ZNF596: variants seen among roughly 807,000 people sequenced by gnomAD.
The protein encoded by ZNF596 is zinc finger protein 596.
In ZNF596, 45 loss-of-function variants were observed where a neutral mutation model predicts 48.3. That is an observed-to-expected ratio of 0.93 (90% CI 0.73 to 1.19). The LOEUF (loss-of-function observed/expected upper bound fraction) is 1.19. ZNF596 is among the 50% of genes most tolerant of loss of function. The pLI is 0.00. For missense variants in ZNF596, 848 were observed against 599.7 expected (o/e 1.41, Z -4.32); for synonymous variants, 270 against 202.0 (o/e 1.34, Z -2.85).
chr8:238,630 A>C (rs76115231), intron 1 of ZNF596, among the ~76,000 whole-genome samples: 2 of 103,024 alleles, frequency 1.9e-5, no homozygotes, highest in African/African-American at 1.1e-4. Context: ...GTGAAATACA[A>C]AAAAAAAAAA....
At chr8:233,165 A>G (rs1250358397) in intron 1 of ZNF596, 32 of 466,178 alleles carry the variant, frequency 6.9e-5, no homozygotes, top group Non-Finnish European at 1.3e-4. Context: ...ACAAACACCG[A>G]CAATGAAGGA....
Position 245,846 on chromosome 8 carries a change from A to T in ZNF596, c.999A>T (p.Lys333Asn). The change falls in exon 6 of 6, where the codon AAA becomes AAT. Residue 333 changes from lysine (K) to asparagine (N), a missense_variant. By Grantham distance (94) the Lys-to-Asn change is moderately conservative (BLOSUM62 0). Coordinates refer to ENST00000398612, the MANE Select transcript of ZNF596 (RefSeq NM_001042416.3). ...ATGAAAGAACTCACAATGGAGAGAA[A>T]CCATATGAATGTCATCTATGTGGAA... ...RQHERTHNGE[K>N]PYECHLCGKA... The T allele has an allele frequency of 6.2e-7, 1 of 1,614,068 alleles. No homozygotes were observed. Among genetic ancestry groups the T allele is most frequent in the East Asian group, 2.2e-5 (1 of 44,872 alleles).
In ZNF596 at chr8:245,213, A is replaced by G. The variant is rs1476863858; in HGVS notation, c.366A>G (p.Gln122=). ...ATGACTTAGGAGAAGATTTCACTCA[A>G]CATATAGCATTGACTCAAAATGTGA... is the stretch of plus-strand genomic sequence containing the variant. ...LCNDLGEDFT[Q]HIALTQNVIT... Residue 122 remains glutamine (Q), a synonymous_variant, in exon 6 of 6, where the codon CAA becomes CAG. Transcript: ENST00000398612. 6.8e-6 allele frequency: 11 copies of G among 1,613,390 alleles called. No individual in the cohort carries two copies. The highest frequency in any genetic ancestry group is 1.7e-5 in the Admixed American group (1 of 59,970).
At position 238,810 on chromosome 8, in the gene ZNF596, A is replaced by AAAAAAG. The variant is rs1233330218; in HGVS notation, c.-72-2004_-72-1999dup. Among the ~76,000 whole-genome samples, 4 of 152,118 alleles carry AAAAAAG rather than the reference A, an allele frequency of 2.6e-5. No individual in the cohort carries two copies. The East Asian group carries it at 7.7e-4, about 29-fold the overall frequency. On this transcript the variant is annotated intron_variant, in intron 1 of 5. Transcript: ENST00000398612. The stretch of plus-strand genomic sequence containing the variant: ...CAACGCGAGTGAAACTCCGCTTTAA[A>AAAAAAG]AAAAAGAAAAAGAAATGGAGGTTTC...
chr8:235,484 T>C (rs188217082), intron 1 of ZNF596, among the ~76,000 whole-genome samples: 3 of 152,350 alleles, frequency 2.0e-5, no homozygotes, highest in African/African-American at 7.2e-5. Context: ...GTATGTTTTT[T>C]TTTTTTAGAT....
chr8:243,667 T>C (rs1796942032), intron 3 of ZNF596, 55 bp from the exon 4 acceptor site: 2 of 1,576,144 alleles, frequency 1.3e-6, no homozygotes, highest in East Asian at 2.2e-5. Context: ...TCTGATAACC[T>C]TGTACATTTG....
At chr8:243,594 A>C (rs1350237252) in intron 3 of ZNF596, 128 bp from the exon 4 acceptor site, 3 of 771,036 alleles carry the variant, frequency 3.9e-6, no homozygotes, top group Non-Finnish European at 6.4e-6. Context: ...TGTTGTCTTC[A>C]AGGTACTCTT....
chr8:233,008 C>T, intron 1 of ZNF596: 1 of 468,552 alleles, frequency 2.1e-6, no homozygotes, highest in South Asian at 1.5e-5. Context: ...GCGGGCTCTT[C>T]CTTGGCAGGG....
chr8:245,059 T>C lies in ZNF596; in HGVS notation c.307-95T>C. 3 of 1,407,020 alleles carry C rather than the reference T, an allele frequency of 2.1e-6. No individual in the cohort carries two copies. The South Asian group carries it at 4.3e-5, about 20-fold the overall frequency. 87.2% of individuals were successfully genotyped at this position (1,407,020 alleles called of 1,614,324 possible). A position where few individuals can be genotyped will look rare whatever the true frequency, so the allele number is the denominator to read the frequency against. ...ATTGTAACTGGAGTCTACCACTGAATGATTATTCTAGAATTAATATGTAGA... is the reference window on the plus strand; with the variant it reads ...ATTGTAACTGGAGTCTACCACTGAACGATTATTCTAGAATTAATATGTAGA... On this transcript the variant is annotated intron_variant, in intron 5 of 5. Coordinates refer to ENST00000398612, the MANE Select transcript of ZNF596 (RefSeq NM_001042416.3).
intron 2 of ZNF596, among the ~76,000 whole-genome samples, chr8:241,245 G>T (rs186847176): frequency 8.7e-4 from 133 of 152,240 alleles, no homozygotes; most frequent in Non-Finnish European, 1.6e-3. Flanking sequence ...GTTATTGGCA[G>T]GAGTGGGCTT....
chr8:243,633 T>A, intron 3 of ZNF596, 89 bp from the exon 4 acceptor site: 1 of 1,308,318 alleles, frequency 7.6e-7, no homozygotes, highest in Non-Finnish European at 1.1e-6. Flanking sequence ...GGCTAACTTA[T>A]CCTTCCCAGT....
Position 245,433 on chromosome 8 carries a change from G to C in ZNF596, c.586G>C (p.Glu196Gln). The change falls in exon 6 of 6, where the codon GAA becomes CAA. Residue 196 changes from glutamate (E) to glutamine (Q), a missense_variant. Coordinates refer to ENST00000398612, the MANE Select transcript of ZNF596 (RefSeq NM_001042416.3). Reference protein sequence around the residue: ...SVTHTREITLECRVCGKTFSK... With the variant: ...SVTHTREITLQCRVCGKTFSK... ...GACTCACACTAGAGAGATAACATTG[G>C]AATGTCGTGTGTGTGGGAAAACCTT... The C allele has an allele frequency of 6.2e-7, 1 of 1,614,172 alleles. No individual in the cohort carries two copies. The highest frequency in any genetic ancestry group is 1.3e-5 in the African/African-American group (1 of 75,066).
intron 1 of ZNF596, among the ~76,000 whole-genome samples, chr8:235,102 G>A (rs919411394): frequency 1.3e-5 from 2 of 152,154 alleles, no homozygotes; most frequent in African/African-American, 2.4e-5. Flanking sequence ...GAAAATGATA[G>A]CTTTGACAAA....
At chr8:239,667 T>A (rs1351339039) in intron 1 of ZNF596, among the ~76,000 whole-genome samples, 2 of 152,198 alleles carry the variant, frequency 1.3e-5, no homozygotes, top group Non-Finnish European at 2.9e-5. Flanking sequence ...AGGAGGTCTG[T>A]CTCCAAGCAG....
chr8:244,500 T>C, intron 4 of ZNF596, 119 bp from the exon 5 acceptor site: 1 of 703,050 alleles, frequency 1.4e-6, no homozygotes. Context: ...GTATGGTTAA[T>C]TTAACATTCT....
In ZNF596 at chr8:246,858, G is replaced by C. The variant is rs1797110577; in HGVS notation, c.*496G>C. The C allele has an allele frequency of 6.5e-6, 1 of 154,852 alleles. No homozygotes were observed. 9.6% of individuals were successfully genotyped at this position (154,852 alleles called of 1,614,324 possible). A position where few individuals can be genotyped will look rare whatever the true frequency, so the allele number is the denominator to read the frequency against. On this transcript the variant is annotated 3_prime_UTR_variant, in exon 6 of 6. Transcript: ENST00000398612. ...ATGTGAAAATATTTTTTATTAGGTG[G>C]ATGAGGCCTCTTGAACAATTCCAGA...
chr8:242,383 G>C (rs934567050), intron 2 of ZNF596, among the ~76,000 whole-genome samples: 3 of 152,164 alleles, frequency 2.0e-5, no homozygotes, highest in African/African-American at 7.2e-5. Flanking sequence ...TGATAGATAG[G>C]AACCACTTTA....
chr8:245,840 A>G lies in ZNF596; in HGVS notation c.993A>G (p.Gly331=), dbSNP rs1797054770. 1 of 1,614,162 alleles carries G rather than the reference A, an allele frequency of 6.2e-7. No homozygotes were observed. The highest frequency in any genetic ancestry group is 8.5e-7 in the Non-Finnish European group (1 of 1,180,014). Residue 331 remains glycine, a synonymous_variant, in exon 6 of 6, where the codon GGA becomes GGG. Coordinates refer to ENST00000398612, the MANE Select transcript of ZNF596 (RefSeq NM_001042416.3). ...YLRQHERTHN[G]EKPYECHLCG... The stretch of plus-strand genomic sequence containing the variant: ...GACAACATGAAAGAACTCACAATGG[A>G]GAGAAACCATATGAATGTCATCTAT...
intron 1 of ZNF596, chr8:240,268 T>C (rs559714853): frequency 6.6e-6 from 1 of 152,300 alleles, no homozygotes; most frequent in Non-Finnish European, 1.5e-5. Context: ...TTGAAGCTGC[T>C]TGGTAGATAA....
Sources: allele counts gnomAD v4.1 joint callset (sites outside exome capture counted in the v4.1 genomes callset), GRCh38; gene constraint gnomAD v4.1.1; transcripts MANE v1.5; gene names NCBI Gene and HGNC (gene_info 2026-07-23, HGNC 2026-07-21).